ZNF532: variants seen among roughly 807,000 people sequenced by gnomAD.
ZNF532 encodes the protein zinc finger protein 532.
In ZNF532, 22 loss-of-function variants were observed where a neutral mutation model predicts 89.3. That is an observed-to-expected ratio of 0.25 (90% confidence interval 0.18 to 0.35). The LOEUF is 0.35. ZNF532 is among the 10% of genes least tolerant of loss of function. The pLI is 1.00. For synonymous variants in ZNF532, 606 were observed against 649.6 expected, an observed-to-expected ratio of 0.93 and a Z score of 1.02; for missense variants, 1,132 against 1,643.4, an observed-to-expected ratio of 0.69 and a Z score of 5.38.
chr18:58,961,649 CAG>C (rs1208497518), intron 7 of ZNF532, among the ~76,000 whole-genome samples: 1 of 152,194 alleles, frequency 6.6e-6, no homozygotes, highest in African/African-American at 2.4e-5. Context: ...TGAATCTAAA[CAG>C]GGAAAGGTTC....
intron 2 of ZNF532, among the ~76,000 whole-genome samples, chr18:58,899,529 C>G: frequency 6.6e-6 from 1 of 152,014 alleles, no homozygotes; most frequent in Non-Finnish European, 1.5e-5. Context: ...AGTGCAGTGG[C>G]GCGATCTTGA....
Position 58,979,127 on chromosome 18 carries a change from C to G in ZNF532, c.3223C>G (p.Arg1075Gly). ...SSSHSLCRHN[R>G]IKHKGIRKVY... is the part of the protein sequence containing the mutation. Reference sequence around the variant, plus strand: ...GTCCCACAGCCTGTGCCGGCACAACCGGATCAAGCACAAAGGCATCAGGAA... The same window carrying G: ...GTCCCACAGCCTGTGCCGGCACAACGGGATCAAGCACAAAGGCATCAGGAA... The change falls in exon 8 of 10, where the codon CGG becomes GGG. Residue 1075 changes from arginine to glycine, a missense_variant. This residue lies in a region of ZNF532 where 415 missense variants were observed against 604.8 expected (regional missense o/e 0.69). Transcript: ENST00000591808. The G allele has an allele frequency of 6.2e-7, 1 of 1,613,398 alleles. No individual in the cohort carries two copies. The highest frequency in any genetic ancestry group is 8.5e-7 in the Non-Finnish European group (1 of 1,179,418).
At chr18:58,895,228 A>G (rs1039554856) in intron 2 of ZNF532, among the ~76,000 whole-genome samples, 3 of 152,226 alleles carry the variant, frequency 2.0e-5, no homozygotes, top group African/African-American at 7.2e-5. Context: ...GTCGTCTTCT[A>G]GATGCTTGCA....
intron 2 of ZNF532, among the ~76,000 whole-genome samples, chr18:58,910,754 C>T (rs1026114159): frequency 4.6e-5 from 7 of 152,268 alleles, no homozygotes; most frequent in African/African-American, 1.7e-4. Context: ...GGATTACGAG[C>T]ATGAGCCGCC....
intron 2 of ZNF532, among the ~76,000 whole-genome samples, chr18:58,866,207 G>C (rs1449723863): frequency 2.0e-5 from 3 of 152,200 alleles, no homozygotes; most frequent in Admixed American, 2.0e-4. Flanking sequence ...GGCTTCATCT[G>C]TGAAAAGATG....
chr18:58,890,228 G>A (rs1004294039), intron 2 of ZNF532, among the ~76,000 whole-genome samples: 3 of 150,360 alleles, frequency 2.0e-5, no homozygotes, highest in African/African-American at 7.3e-5. Flanking sequence ...GCCTGGGGAG[G>A]AAAAATATAT....
intron 2 of ZNF532, among the ~76,000 whole-genome samples, chr18:58,871,303 T>C (rs1316853873): frequency 6.6e-6 from 1 of 152,204 alleles, no homozygotes; most frequent in African/African-American, 2.4e-5. Context: ...CTAGCTGGAC[T>C]TGAACTCCTT....
chr18:58,941,877 C>T (rs1001681990), intron 5 of ZNF532, among the ~76,000 whole-genome samples: 14 of 146,720 alleles, frequency 9.5e-5, no homozygotes, highest in African/African-American at 3.6e-4. Context: ...TTCTTTCTTT[C>T]CATCTTTCTT....
intron 7 of ZNF532, among the ~76,000 whole-genome samples, chr18:58,970,769 A>G (rs911559341): frequency 3.4e-4 from 52 of 152,246 alleles, no homozygotes; most frequent in Non-Finnish European, 1.2e-4. Context: ...GTCTGCAGTG[A>G]GAGTCCCAAA....
chr18:58,916,347 C>A (rs1230247512), intron 2 of ZNF532, among the ~76,000 whole-genome samples: 1 of 152,166 alleles, frequency 6.6e-6, no homozygotes, highest in Non-Finnish European at 1.5e-5. Context: ...ATTTAAAAAA[C>A]AAAACCATAA....
chr18:58,918,018 T>G (rs2060729872), intron 2 of ZNF532, among the ~76,000 whole-genome samples: 1 of 152,190 alleles, frequency 6.6e-6, no homozygotes, highest in Non-Finnish European at 1.5e-5. Context: ...TCATTCTTGT[T>G]AGCTGGGAGC....
chr18:58,864,033 C>G (rs1229597509), upstream of ZNF532: 1 of 152,172 alleles, frequency 6.6e-6, no homozygotes, highest in East Asian at 1.9e-4. Context: ...CCGCAGGTTA[C>G]GAGACGGGGG....
chr18:58,960,370 GGT>G (rs747567202), intron 7 of ZNF532, among the ~76,000 whole-genome samples: 9 of 152,154 alleles, frequency 5.9e-5, no homozygotes, highest in Non-Finnish European at 1.3e-4. Context: ...CTTTACATGG[GGT>G]GAAAGGAGAT....
chr18:58,968,705 T>G (rs2064063042), intron 7 of ZNF532, among the ~76,000 whole-genome samples: 1 of 152,158 alleles, frequency 6.6e-6, no homozygotes, highest in South Asian at 2.1e-4. Context: ...AGCCCAGATT[T>G]GCGCTGGGAT....
At chr18:58,926,826 A>G (rs951503435) in intron 3 of ZNF532, among the ~76,000 whole-genome samples, 2 of 152,002 alleles carry the variant, frequency 1.3e-5, no homozygotes, top group Non-Finnish European at 2.9e-5. Context: ...TTTTTTGGAT[A>G]GATTATACTG....
At chr18:58,900,532 G>A (rs887789136) in intron 2 of ZNF532, among the ~76,000 whole-genome samples, 3 of 152,162 alleles carry the variant, frequency 2.0e-5, no homozygotes, top group African/African-American at 7.2e-5. Flanking sequence ...GGGCCTGGCT[G>A]TCTCTGCAGC....
chr18:58,923,250 G>C (rs2061264348), intron 3 of ZNF532, among the ~76,000 whole-genome samples: 1 of 151,674 alleles, frequency 6.6e-6, no homozygotes, highest in South Asian at 2.1e-4. Flanking sequence ...GCATAGCCAA[G>C]CACTGCAGGA....
At chr18:58,905,811 G>T (rs752527511) in intron 2 of ZNF532, among the ~76,000 whole-genome samples, 1 of 152,162 alleles carries the variant, frequency 6.6e-6, no homozygotes, top group Non-Finnish European at 1.5e-5. Context: ...CCAGGAGTCC[G>T]TCTAGGATAT....
At chr18:58,949,637 C>T (rs1412724099) in intron 6 of ZNF532, among the ~76,000 whole-genome samples, 1 of 152,196 alleles carries the variant, frequency 6.6e-6, no homozygotes, top group Non-Finnish European at 1.5e-5. Context: ...GATTGTGCCA[C>T]TGCACTCCAG....
Sources: allele counts gnomAD v4.1 joint callset (sites outside exome capture counted in the v4.1 genomes callset), GRCh38; gene constraint gnomAD v4.1.1; regional missense constraint gnomAD v4.1.1; transcripts MANE v1.5; gene names NCBI Gene and HGNC (gene_info 2026-07-23, HGNC 2026-07-21).